The following SLC4A4 variants were observed in gnomAD, a reference collection of about 807,000 sequenced individuals.
The protein encoded by SLC4A4 is solute carrier family 4 member 4.
SLC4A4 carries 27 observed loss-of-function variants against 111.5 expected under a neutral mutation model. The observed-to-expected ratio is 0.24, with a 90% confidence interval of 0.18 to 0.33. The LOEUF is 0.33. Among genes scored for constraint, SLC4A4 ranks in the 10% least tolerant of loss-of-function variants. The pLI is 1.00. For missense variants in SLC4A4, 909 were observed against 1,315.5 expected, an observed-to-expected ratio of 0.69 and a Z score of 4.78; for synonymous variants, 443 against 463.4, an observed-to-expected ratio of 0.96 and a Z score of 0.57.
intron 1 of SLC4A4, among the ~76,000 whole-genome samples, chr4:71,089,973 G>T (rs568554009): frequency 6.9e-6 from 1 of 145,466 alleles, no homozygotes; most frequent in Non-Finnish European, 1.5e-5. Flanking sequence ...CCTTTTGTTT[G>T]GCTATGCCCT....
intron 2 of SLC4A4, among the ~76,000 whole-genome samples, chr4:71,254,403 A>G (rs770587341): frequency 9.9e-5 from 15 of 152,122 alleles, no homozygotes; most frequent in Non-Finnish European, 2.2e-4. Flanking sequence ...GCATTTCACA[A>G]TCTTTTTTCC....
intron 1 of SLC4A4, among the ~76,000 whole-genome samples, chr4:71,068,711 G>A (rs1045773691): frequency 5.9e-5 from 9 of 152,030 alleles, no homozygotes; most frequent in African/African-American, 1.7e-4. Context: ...ACAGGTATGC[G>A]CCACCACACC....
At chr4:71,166,225 C>A (rs932723327) in intron 2 of SLC4A4, among the ~76,000 whole-genome samples, 3 of 152,188 alleles carry the variant, frequency 2.0e-5, no homozygotes, top group African/African-American at 7.2e-5. Flanking sequence ...AAGGAGTGAT[C>A]AGCCACTAAA....
chr4:71,129,307 CACAA>C (rs757030041), intron 2 of SLC4A4, among the ~76,000 whole-genome samples: 1 of 151,974 alleles, frequency 6.6e-6, no homozygotes, highest in Admixed American at 6.6e-5. Flanking sequence ...GGGCAAAAGT[CACAA>C]ACAGACACTT....
chr4:71,337,911 C>T (rs1728563964), intron 3 of SLC4A4, among the ~76,000 whole-genome samples: 1 of 151,922 alleles, frequency 6.6e-6, no homozygotes, highest in African/African-American at 2.4e-5. Flanking sequence ...CTCACTGCAA[C>T]CTCTGTCTCC....
intron 3 of SLC4A4, among the ~76,000 whole-genome samples, chr4:71,336,094 A>G (rs1191258049): frequency 1.3e-5 from 2 of 152,216 alleles, no homozygotes; most frequent in Admixed American, 6.5e-5. Context: ...AATTAAGAGC[A>G]TAGACAGTGC....
chr4:71,311,890 T>TGAGAGAGAGAGAGAGAGAGAGA (rs761331086), intron 3 of SLC4A4, among the ~76,000 whole-genome samples: 4 of 76,540 alleles, frequency 5.2e-5, no homozygotes, highest in East Asian at 3.6e-4. Context: ...TGCAAGGCTG[T>TGAGAGAGAGAGAGAGAGAGAGA]GAGAGAGAGA....
intron 15 of SLC4A4, among the ~76,000 whole-genome samples, chr4:71,488,888 A>AATG (rs1553920853): frequency 7.1e-6 from 1 of 140,672 alleles, no homozygotes; most frequent in East Asian, 2.2e-4. Context: ...AGAAGAAAAA[A>AATG]TGTGTGTGTG....
intron 20 of SLC4A4, among the ~76,000 whole-genome samples, chr4:71,554,183 G>A (rs960632989): frequency 6.6e-6 from 1 of 151,804 alleles, no homozygotes; most frequent in Non-Finnish European, 1.5e-5. Context: ...TTACTCTAAA[G>A]CCATACTATG....
intron 2 of SLC4A4, among the ~76,000 whole-genome samples, chr4:71,156,731 G>A (rs1383540878): frequency 6.6e-6 from 1 of 151,942 alleles, no homozygotes; most frequent in African/African-American, 2.4e-5. Flanking sequence ...AACAATTTGA[G>A]GCTTACAGTG....
chr4:71,373,873 G>A (rs1029886270), intron 6 of SLC4A4, among the ~76,000 whole-genome samples: 2 of 152,140 alleles, frequency 1.3e-5, no homozygotes, highest in Non-Finnish European at 2.9e-5. Context: ...GTTAGGGGAG[G>A]AAGAGAAAGG....
chr4:71,226,879 A>G (rs1231608983), intron 1 of SLC4A4, among the ~76,000 whole-genome samples: 2 of 150,398 alleles, frequency 1.3e-5, no homozygotes, highest in Non-Finnish European at 2.9e-5. Flanking sequence ...CATAGTCACT[A>G]CACATAGTCA....
chr4:71,405,951 A>T lies in SLC4A4; in HGVS notation c.807+8298A>T, dbSNP rs199934113. 4.6e-5 allele frequency among the ~76,000 whole-genome samples: 7 copies of T among 151,948 alleles called. No homozygotes were observed. In the South Asian group the frequency reaches 1.5e-3, roughly 32 times the overall value. ...GAGGTGAAAAGTGCAGTGGCCATAT[A>T]CTTGCTTTGACTGAAGATGTTGCTG... On this transcript the variant is annotated intron_variant, in intron 7 of 25. Transcript: ENST00000264485.
chr4:71,105,291 A>T (rs1393698963), intron 2 of SLC4A4, among the ~76,000 whole-genome samples: 1 of 150,456 alleles, frequency 6.6e-6, no homozygotes, highest in African/African-American at 2.5e-5. Flanking sequence ...CAAATGGAAG[A>T]ACATTCTATG....
chr4:71,500,946 T>A (rs1730868275), intron 16 of SLC4A4, among the ~76,000 whole-genome samples: 1 of 152,230 alleles, frequency 6.6e-6, no homozygotes, highest in Admixed American at 6.5e-5. Flanking sequence ...TGGGGTCTTT[T>A]GTGATTTGAT....
At chr4:71,118,667 G>A (rs1743337037) in intron 2 of SLC4A4, among the ~76,000 whole-genome samples, 2 of 151,890 alleles carry the variant, frequency 1.3e-5, no homozygotes, top group Admixed American at 1.3e-4. Flanking sequence ...CAGATTATTT[G>A]ATGTAGAATT....
chr4:71,223,130 C>T (rs990478591), intron 1 of SLC4A4, among the ~76,000 whole-genome samples: 1 of 151,960 alleles, frequency 6.6e-6, no homozygotes, highest in Admixed American at 6.6e-5. Flanking sequence ...TATTTGTGAT[C>T]CCAGGTTCCT....
chr4:71,306,193 A>G (rs1040697696), intron 3 of SLC4A4, among the ~76,000 whole-genome samples: 2 of 152,226 alleles, frequency 1.3e-5, no homozygotes, highest in Non-Finnish European at 2.9e-5. Flanking sequence ...TTCTGAAGTC[A>G]GACTTCCTGG....
chr4:71,447,795 T>C (rs1725370969), intron 9 of SLC4A4, 62 bp downstream of exon 9: 2 of 1,034,272 alleles, frequency 1.9e-6, no homozygotes, highest in Admixed American at 3.5e-5. Flanking sequence ...ATACTGTGAA[T>C]TGGCTGTCAC....
Sources: gnomAD v4.1 joint callset for allele counts (sites outside exome capture counted in the v4.1 genomes callset) on GRCh38, gnomAD v4.1.1 for gene constraint, MANE v1.5 for transcripts, NCBI Gene and HGNC (gene_info 2026-07-23, HGNC 2026-07-21) for gene names.